Variants in FBXL17 observed in about 807,000 individuals in gnomAD.
FBXL17 encodes F-box and leucine rich repeat protein 17.
In FBXL17, 22 loss-of-function variants were observed where a neutral mutation model predicts 66.2. The ratio of observed to expected loss-of-function variants is 0.33; its 90% CI spans 0.24 to 0.47. FBXL17 has a LOEUF of 0.47. Among genes scored for constraint, FBXL17 ranks in the 20% least tolerant of loss-of-function variants. The pLI is 1.00. For missense variants in FBXL17, 878 were observed against 948.2 expected (o/e 0.93, Z 0.97); for synonymous variants, 474 against 400.5 (o/e 1.18, Z -2.19).
intron 6 of FBXL17, among the ~76,000 whole-genome samples, chr5:108,161,999 TA>T (rs1752235627): frequency 6.6e-6 from 1 of 152,226 alleles, no homozygotes; most frequent in South Asian, 2.1e-4. Flanking sequence ...TCAGCAGCGT[TA>T]AAAGGGATAA....
At chr5:107,955,032 T>C (rs1292521424) in intron 7 of FBXL17, among the ~76,000 whole-genome samples, 3 of 152,146 alleles carry the variant, frequency 2.0e-5, no homozygotes, top group African/African-American at 7.2e-5. Flanking sequence ...TTGACTGTCT[T>C]AAGTTTTACC....
chr5:108,110,636 A>T (rs985564535), intron 6 of FBXL17, among the ~76,000 whole-genome samples: 4 of 152,020 alleles, frequency 2.6e-5, no homozygotes, highest in African/African-American at 9.7e-5. Context: ...GTAATGTACA[A>T]TTTTTTCAAA....
At position 108,255,835 on chromosome 5, in the gene FBXL17, C is replaced by T. The variant is rs185875925; in HGVS notation, c.1507-31607G>A. 2.7e-3 allele frequency among the ~76,000 whole-genome samples: 417 copies of T among 152,216 alleles called. 1 individual carries two copies. Among genetic ancestry groups the T allele is most frequent in the Middle Eastern group, 0.024 (7 of 294 alleles). Reference sequence around the variant, plus strand: ...AAAATTAGAACTAAAAATATAATGTCGATGAAAAGGTTTTGTTCCTGCCAA... The same window carrying T: ...AAAATTAGAACTAAAAATATAATGTTGATGAAAAGGTTTTGTTCCTGCCAA... On this transcript the variant is annotated intron_variant, in intron 4 of 8. Transcript: ENST00000542267.
chr5:108,173,662 G>A (rs17165771), intron 6 of FBXL17, among the ~76,000 whole-genome samples: 2,593 of 152,168 alleles, frequency 0.017, 83 homozygotes, highest in African/African-American at 0.059. Context: ...TAAACATACC[G>A]CGTAAGAATT....
At position 108,345,670 on chromosome 5, in the gene FBXL17, AC is replaced by A. The variant is rs201578445; in HGVS notation, c.1506+2728del. ...AAAATAAACCACAACATCAGCAGAA[AC>A]CATCAGCAGAAACTTATAGAGGCAT... is the stretch of plus-strand genomic sequence containing the variant. On this transcript the variant is annotated intron_variant, in intron 4 of 8. Transcript: ENST00000542267. Among the ~76,000 whole-genome samples, 620 of 151,892 alleles carry A rather than the reference AC, an allele frequency of 4.1e-3. 8 individuals carry two copies. Among genetic ancestry groups the A allele is most frequent in the African/African-American group, 0.014 (584 of 41,390 alleles).
At chr5:108,068,199 A>G (rs1748186073) in intron 6 of FBXL17, among the ~76,000 whole-genome samples, 1 of 152,192 alleles carries the variant, frequency 6.6e-6, no homozygotes, top group Non-Finnish European at 1.5e-5. Flanking sequence ...TGAAATTATC[A>G]CAAAGTTGTT....
At chr5:108,019,678 C>T (rs1754514183) in intron 7 of FBXL17, among the ~76,000 whole-genome samples, 3 of 151,904 alleles carry the variant, frequency 2.0e-5, no homozygotes, top group Admixed American at 2.0e-4. Context: ...CTCTCTCTCT[C>T]TCTCAATATG....
At chr5:107,905,174 T>A (rs556872597) in intron 7 of FBXL17, among the ~76,000 whole-genome samples, 3 of 152,116 alleles carry the variant, frequency 2.0e-5, no homozygotes, top group Non-Finnish European at 4.4e-5. Flanking sequence ...TGAGAAAAAT[T>A]TGAATAGATG....
At chr5:108,332,666 G>A (rs577465525) in intron 4 of FBXL17, among the ~76,000 whole-genome samples, 11 of 152,142 alleles carry the variant, frequency 7.2e-5, no homozygotes, top group African/African-American at 2.2e-4. Flanking sequence ...GGAGTGCAGC[G>A]GCTTGATCTC....
chr5:108,023,206 C>T (rs1754664698), intron 6 of FBXL17, among the ~76,000 whole-genome samples: 1 of 152,116 alleles, frequency 6.6e-6, no homozygotes, highest in African/African-American at 2.4e-5. Context: ...TCATGTACAA[C>T]ATAAAATTAT....
chr5:107,977,708 T>A (rs1561348846), intron 7 of FBXL17, among the ~76,000 whole-genome samples: 1 of 152,248 alleles, frequency 6.6e-6, no homozygotes, highest in Admixed American at 6.5e-5. Context: ...ATACATAATG[T>A]ACACTTCTCT....
At chr5:108,258,941 A>ATATGTAATATGTAATATGTAAT in intron 4 of FBXL17, among the ~76,000 whole-genome samples, 1 of 152,130 alleles carries the variant, frequency 6.6e-6, no homozygotes, top group East Asian at 1.9e-4. Context: ...GACATAATAA[A>ATATGTAATATGTAATATGTAAT]AGCTGTAATA....
chr5:108,118,866 A>T (rs745785957), intron 6 of FBXL17, among the ~76,000 whole-genome samples: 1 of 151,996 alleles, frequency 6.6e-6, no homozygotes, highest in Non-Finnish European at 1.5e-5. Flanking sequence ...TACACATGTG[A>T]TTTTCCTTAG....
chr5:108,380,635 C>T (rs1173676671), intron 1 of FBXL17, 64 bp downstream of exon 1: 2 of 1,049,294 alleles, frequency 1.9e-6, no homozygotes, highest in African/African-American at 1.7e-5. Flanking sequence ...AGAGAGAAAG[C>T]CTCGGAGGCG....
rs140126720 is a variant in FBXL17, at chr5:107,904,821, T to C, written c.1823-23642A>G. On this transcript the variant is annotated intron_variant, in intron 7 of 8. Coordinates refer to ENST00000542267, the MANE Select transcript of FBXL17 (RefSeq NM_001163315.3). ...ATTATCATTCTAAGAAAATATAACATATGCTTAATTGCTATTAGATTTTTT... is the reference window on the plus strand; with the variant it reads ...ATTATCATTCTAAGAAAATATAACACATGCTTAATTGCTATTAGATTTTTT... Among the ~76,000 whole-genome samples, 478 of 152,268 alleles carry C rather than the reference T, an allele frequency of 3.1e-3. 3 individuals are homozygous for C. Among genetic ancestry groups the C allele is most frequent in the African/African-American group, 0.011 (458 of 41,558 alleles).
At chr5:108,256,568 T>C (rs1756585851) in intron 4 of FBXL17, among the ~76,000 whole-genome samples, 1 of 152,098 alleles carries the variant, frequency 6.6e-6, no homozygotes, top group African/African-American at 2.4e-5. Flanking sequence ...TCCAAATGTT[T>C]GTATTGCTAC....
At chr5:108,288,130 G>C (rs1019428100) in intron 4 of FBXL17, among the ~76,000 whole-genome samples, 4 of 151,808 alleles carry the variant, frequency 2.6e-5, no homozygotes, top group Admixed American at 6.6e-5. Context: ...GGGAGGAGAA[G>C]GGTGAAGATT....
intron 6 of FBXL17, among the ~76,000 whole-genome samples, chr5:108,161,732 A>C (rs1752227132): frequency 6.6e-6 from 1 of 152,208 alleles, no homozygotes; most frequent in Admixed American, 6.5e-5. Flanking sequence ...TTGCAATAGG[A>C]ATTTTTAGTT....
intron 7 of FBXL17, among the ~76,000 whole-genome samples, chr5:108,014,732 C>T (rs1369024949): frequency 6.6e-6 from 1 of 152,158 alleles, no homozygotes; most frequent in African/African-American, 2.4e-5. Flanking sequence ...CCATTATATA[C>T]TAGTCCGCTT....
Sources: gnomAD v4.1 joint callset for allele counts (sites outside exome capture counted in the v4.1 genomes callset) on GRCh38, gnomAD v4.1.1 for gene constraint, MANE v1.5 for transcripts, NCBI Gene and HGNC (gene_info 2026-07-23, HGNC 2026-07-21) for gene names.